DLG2: variants seen among roughly 807,000 people sequenced by gnomAD.
DLG2 encodes discs large MAGUK scaffold protein 2.
DLG2 carries 45 observed loss-of-function variants against 132.5 expected under a neutral mutation model. That is an observed-to-expected ratio of 0.34 (90% confidence interval 0.27 to 0.44). The LOEUF is 0.44. DLG2 is among the 20% of genes least tolerant of loss of function. The probability of loss-of-function intolerance (pLI) is 1.00; values close to 1 mark genes in which losing one functional copy is unlikely to be tolerated. For synonymous variants in DLG2, 424 were observed against 419.6 expected (o/e 1.01, Z -0.13); for missense variants, 1,045 against 1,196.9 (o/e 0.87, Z 1.87).
At chr11:83,870,929 A>G (rs1437653179) in intron 16 of DLG2, among the ~76,000 whole-genome samples, 1 of 152,154 alleles carries the variant, frequency 6.6e-6, no homozygotes, top group Admixed American at 6.5e-5. Context: ...TGTCATTCTA[A>G]TAGAATGCAA....
intron 18 of DLG2, among the ~76,000 whole-genome samples, chr11:83,776,968 G>A (rs2094606588): frequency 6.6e-6 from 1 of 152,164 alleles, no homozygotes; most frequent in Non-Finnish European, 1.5e-5. Flanking sequence ...TTTTTCTTGA[G>A]CATTCACTTT....
intron 10 of DLG2, among the ~76,000 whole-genome samples, chr11:84,065,433 GA>G (rs1325710446): frequency 6.6e-6 from 1 of 152,032 alleles, no homozygotes; most frequent in Non-Finnish European, 1.5e-5. Flanking sequence ...TTCAAAAGAA[GA>G]CATAGACATG....
chr11:84,689,002 G>A (rs150704621), intron 6 of DLG2, among the ~76,000 whole-genome samples: 2 of 152,298 alleles, frequency 1.3e-5, no homozygotes, highest in Non-Finnish European at 2.9e-5. Context: ...TTCCTTCACA[G>A]TGCTGTTAAG....
intron 11 of DLG2, among the ~76,000 whole-genome samples, chr11:84,058,138 G>A (rs2096533527): frequency 6.6e-6 from 1 of 151,964 alleles, no homozygotes; most frequent in African/African-American, 2.4e-5. Flanking sequence ...TAGAAGAGAT[G>A]GTAGGCTTAT....
intron 3 of DLG2, among the ~76,000 whole-genome samples, chr11:85,303,359 CTT>C (rs1228669499): frequency 2.6e-5 from 4 of 152,254 alleles, no homozygotes; most frequent in Admixed American, 2.0e-4. Context: ...CATTATCACT[CTT>C]TGTTCATTTT....
chr11:83,795,886 G>GT (rs1315050180), intron 17 of DLG2, among the ~76,000 whole-genome samples: 15 of 152,096 alleles, frequency 9.9e-5, no homozygotes, highest in Non-Finnish European at 4.4e-5. Flanking sequence ...CCCTCACCAT[G>GT]TTGACCTTTT....
At chr11:84,443,295 T>A (rs1194814934) in intron 7 of DLG2, among the ~76,000 whole-genome samples, 1 of 152,214 alleles carries the variant, frequency 6.6e-6, no homozygotes, top group Non-Finnish European at 1.5e-5. Flanking sequence ...ATTAATTTTT[T>A]AAGAAATAAG....
intron 7 of DLG2, among the ~76,000 whole-genome samples, chr11:84,256,472 G>A (rs751773061): frequency 6.6e-6 from 1 of 152,150 alleles, no homozygotes; most frequent in African/African-American, 2.4e-5. Flanking sequence ...GGTAGAAAAG[G>A]AGAGAACTAG....
intron 4 of DLG2, among the ~76,000 whole-genome samples, chr11:85,283,330 T>A (rs1185950192): frequency 6.7e-6 from 1 of 150,282 alleles, no homozygotes; most frequent in African/African-American, 2.4e-5. Flanking sequence ...TAGAAAAAAA[T>A]ACAGGAGAAT....
At chr11:85,337,783 A>C (rs2082231347) in intron 3 of DLG2, among the ~76,000 whole-genome samples, 1 of 152,226 alleles carries the variant, frequency 6.6e-6, no homozygotes, top group Non-Finnish European at 1.5e-5. Flanking sequence ...CTGCCTAATG[A>C]CCCTTTTCTC....
chr11:84,735,713 T>C (rs2063741445), intron 6 of DLG2, among the ~76,000 whole-genome samples: 1 of 152,136 alleles, frequency 6.6e-6, no homozygotes, highest in Admixed American at 6.5e-5. Flanking sequence ...TCTCTAGTTC[T>C]TTTAGTTGTG....
intron 3 of DLG2, among the ~76,000 whole-genome samples, chr11:85,465,199 G>A (rs117758811): frequency 0.012 from 1,737 of 141,848 alleles, 17 homozygotes; most frequent in Middle Eastern, 0.023. Flanking sequence ...GTTAATTGTC[G>A]TGGCACAATC....
chr11:84,435,940 T>C (rs2098999319), intron 7 of DLG2, among the ~76,000 whole-genome samples: 9 of 152,276 alleles, frequency 5.9e-5, no homozygotes, highest in Admixed American at 5.9e-4. Flanking sequence ...GACAGTTCTC[T>C]CATCCATACA....
intron 16 of DLG2, among the ~76,000 whole-genome samples, chr11:83,859,125 G>A (rs1415719013): frequency 1.3e-5 from 2 of 152,114 alleles, no homozygotes; most frequent in African/African-American, 2.4e-5. Context: ...TCCCAGTCTT[G>A]GGTATGTCTT....
At chr11:84,063,862 G>GTT in intron 10 of DLG2, among the ~76,000 whole-genome samples, 2 of 146,608 alleles carry the variant, frequency 1.4e-5, no homozygotes, top group African/African-American at 5.0e-5. Flanking sequence ...CTATCACAAG[G>GTT]ACCAAAAACC....
At chr11:85,414,351 C>G (rs540688200) in intron 3 of DLG2, among the ~76,000 whole-genome samples, 26 of 152,088 alleles carry the variant, frequency 1.7e-4, no homozygotes, top group Admixed American at 1.2e-3. Context: ...CAAACAGCGA[C>G]AGTTTGACTT....
chr11:84,402,750 C>T (rs541245201), intron 7 of DLG2, among the ~76,000 whole-genome samples: 267 of 151,896 alleles, frequency 1.8e-3, no homozygotes, highest in Non-Finnish European at 2.8e-3. Flanking sequence ...AGTGAGGTGG[C>T]GGGCGCCTGT....
chr11:84,812,958 G>T (rs1401892174), intron 6 of DLG2, among the ~76,000 whole-genome samples: 1 of 152,026 alleles, frequency 6.6e-6, no homozygotes, highest in African/African-American at 2.4e-5. Flanking sequence ...GAACCAAACG[G>T]AGCTGAAATT....
chr11:84,762,017 TA>T (rs941594873), intron 6 of DLG2: 24 of 152,284 alleles, frequency 1.6e-4, no homozygotes, highest in African/African-American at 5.5e-4. Context: ...TATATTTATA[TA>T]AAAAATGTAT....
Sources: allele counts gnomAD v4.1 joint callset (sites outside exome capture counted in the v4.1 genomes callset), GRCh38; gene constraint gnomAD v4.1.1; transcripts MANE v1.5; gene names NCBI Gene and HGNC (gene_info 2026-07-23, HGNC 2026-07-21).